The following ARFGEF1 variants were observed in gnomAD, a reference collection of about 807,000 sequenced individuals.
The protein encoded by ARFGEF1 is brefeldin A-inhibited guanine nucleotide-exchange protein 1.
ARFGEF1 carries 42 observed loss-of-function variants against 231.0 expected under a neutral mutation model. The observed-to-expected ratio is 0.18, with a 90% CI of 0.14 to 0.24. The LOEUF is 0.24. Among genes scored for constraint, ARFGEF1 ranks in the 10% least tolerant of loss-of-function variants. ARFGEF1 has a pLI of 1.00. For synonymous variants in ARFGEF1, 710 were observed against 732.3 expected (o/e 0.97, Z 0.49); for missense variants, 1,345 against 2,192.0 (o/e 0.61, Z 7.72).
chr8:67,193,549 A>G (rs772125943), downstream of ARFGEF1: 1 of 1,613,872 alleles, frequency 6.2e-7, no homozygotes, highest in Non-Finnish European at 8.5e-7. Context: ...AGAGTGAGAA[A>G]TGAGGAACGA....
downstream of ARFGEF1, chr8:67,197,537 G>T: frequency 2.4e-6 from 2 of 824,274 alleles, no homozygotes; most frequent in Non-Finnish European, 2.9e-6. Flanking sequence ...GCTAGAAGCT[G>T]GAAAGAAAAT....
chr8:67,309,046 A>G (rs1241044047), intron 1 of ARFGEF1, among the ~76,000 whole-genome samples: 1 of 152,238 alleles, frequency 6.6e-6, no homozygotes, highest in African/African-American at 2.4e-5. Flanking sequence ...AATAAAATAT[A>G]CACAATGGAA....
At chr8:67,235,810 A>G (rs1038830695) in intron 22 of ARFGEF1, among the ~76,000 whole-genome samples, 1 of 152,204 alleles carries the variant, frequency 6.6e-6, no homozygotes, top group African/African-American at 2.4e-5. Flanking sequence ...CTTTAAAAAA[A>G]TAGAAAAAAA....
Position 67,198,073 on chromosome 8 carries a change from T to A in ARFGEF1, c.*861A>T, listed in dbSNP as rs1316050580. 1 of 985,748 alleles carries A rather than the reference T, an allele frequency of 1.0e-6. No homozygotes were observed. Among genetic ancestry groups the A allele is most frequent in the Admixed American group, 6.1e-5 (1 of 16,266 alleles). 61.1% of individuals were successfully genotyped at this position (985,748 alleles called of 1,614,324 possible). A position where few individuals can be genotyped will look rare whatever the true frequency, so the allele number is the denominator to read the frequency against. The stretch of plus-strand genomic sequence containing the variant: ...TCAAGTTTTGGTCCATAAAGGATCA[T>A]TCTATTTTAATGGCTCATCTTTAAA... On this transcript the variant is annotated 3_prime_UTR_variant, in exon 39 of 39. Transcript: ENST00000262215.
rs1840494736 is a variant in ARFGEF1 at position 67,257,415 on chromosome 8, C to T, written c.2526+317G>A. The stretch of plus-strand genomic sequence containing the variant: ...ATATTTTTTAGAAGGATGGTTTATA[C>T]ACAGCGTTTTTCCATGTTGTGACAA... On this transcript the variant is annotated intron_variant, in intron 17 of 38. Coordinates refer to ENST00000262215, the MANE Select transcript of ARFGEF1 (RefSeq NM_006421.5). Among the ~76,000 whole-genome samples the T allele has an allele frequency of 2.0e-5, 3 of 152,152 alleles. No homozygotes were observed. In the South Asian group the frequency reaches 6.2e-4, roughly 31 times the overall value.
intron 36 of ARFGEF1, 69 bp from the exon 37 acceptor site, chr8:67,201,674 T>C: frequency 1.9e-6 from 3 of 1,589,544 alleles, no homozygotes; most frequent in Non-Finnish European, 2.6e-6. Context: ...ACAGCCCGTA[T>C]GGAGGCACAT....
chr8:67,339,492 A>G (rs111289598), intron 1 of ARFGEF1, among the ~76,000 whole-genome samples: 3,510 of 152,160 alleles, frequency 0.023, 90 homozygotes, highest in South Asian at 0.047. Flanking sequence ...CCTTACTGGA[A>G]TAAGTCCCAA....
chr8:67,310,981 G>T (rs1449706616), intron 1 of ARFGEF1, among the ~76,000 whole-genome samples: 6 of 17,740 alleles, frequency 3.4e-4, no homozygotes, highest in African/African-American at 4.2e-4. Context: ...CCGGGAGGGA[G>T]GTTGGGGGGT....
At chr8:67,236,368 ATATAT>A (rs1839762448) in intron 22 of ARFGEF1, among the ~76,000 whole-genome samples, 145 of 26,120 alleles carry the variant, frequency 5.6e-3, no homozygotes, top group African/African-American at 6.5e-3. Flanking sequence ...AAAAAAAAAT[ATATAT>A]ATATATATAT....
chr8:67,270,843 G>A (rs565220613), intron 10 of ARFGEF1, among the ~76,000 whole-genome samples: 1 of 151,324 alleles, frequency 6.6e-6, no homozygotes, highest in East Asian at 1.9e-4. Flanking sequence ...TGACCAACAT[G>A]GAGAAACCCT....
At chr8:67,335,498 G>T (rs1205643505) in intron 1 of ARFGEF1, among the ~76,000 whole-genome samples, 1 of 152,090 alleles carries the variant, frequency 6.6e-6, no homozygotes. Context: ...AAACTTACTG[G>T]AATTATAAAA....
In ARFGEF1 at chr8:67,326,100, G is replaced by A. The variant is rs111304800; in HGVS notation, c.124+17064C>T. On this transcript the variant is annotated intron_variant, in intron 1 of 38. Coordinates refer to ENST00000262215, the MANE Select transcript of ARFGEF1 (RefSeq NM_006421.5). The stretch of plus-strand genomic sequence containing the variant: ...TGTAGTCCCAGCTACTTAGGAGGCT[G>A]AGGTAGGAGAATCACTTGAACCTGG... Among the ~76,000 whole-genome samples the A allele has an allele frequency of 2.0e-3, 299 of 152,344 alleles. 3 individuals carry two copies. The highest frequency in any genetic ancestry group is 6.8e-3 in the African/African-American group (284 of 41,580).
At chr8:67,181,075 T>A (rs1832903768) in intron 5 of ARFGEF1, among the ~76,000 whole-genome samples, 1 of 152,086 alleles carries the variant, frequency 6.6e-6, no homozygotes, top group Non-Finnish European at 1.5e-5. Flanking sequence ...TCTTGCTCTG[T>A]CGCCCAGGCT....
Position 67,276,062 on chromosome 8 carries a change from G to A in ARFGEF1, c.1251C>T (p.His417=), listed in dbSNP as rs764868091. 4.3e-6 allele frequency: 7 copies of A among 1,613,314 alleles called. No individual in the cohort carries two copies. The highest frequency in any genetic ancestry group is 5.9e-6 in the Non-Finnish European group (7 of 1,179,540). ...SGPSPGAKFS[H]ILQKDAFLVF... The stretch of plus-strand genomic sequence containing the variant: ...CTAGAAAGGCATCCTTTTGTAAAAT[G>A]TGGGAAAACTTAGCACCAGGTGAAG... The change falls in exon 9 of 39, where the codon CAC becomes CAT. Residue 417 remains histidine, a synonymous_variant. Coordinates refer to ENST00000262215, the MANE Select transcript of ARFGEF1 (RefSeq NM_006421.5).
chr8:67,291,819 C>T, intron 6 of ARFGEF1, 28 bp downstream of exon 6: 1 of 1,607,680 alleles, frequency 6.2e-7, no homozygotes, highest in Non-Finnish European at 8.5e-7. Context: ...TTAACACACA[C>T]CCCAAACCCC....
chr8:67,261,208 T>C (rs1218538960), intron 14 of ARFGEF1, among the ~76,000 whole-genome samples: 1 of 152,162 alleles, frequency 6.6e-6, no homozygotes, highest in Non-Finnish European at 1.5e-5. Flanking sequence ...CAACAGATTT[T>C]CCATGTAGAT....
intron 7 of ARFGEF1, among the ~76,000 whole-genome samples, chr8:67,279,320 G>A (rs1208043584): frequency 6.6e-6 from 1 of 152,018 alleles, no homozygotes; most frequent in Non-Finnish European, 1.5e-5. Context: ...TAAAAATCAG[G>A]TAATTTAACA....
intron 1 of ARFGEF1, among the ~76,000 whole-genome samples, chr8:67,305,964 A>C (rs1395028549): frequency 1.3e-5 from 2 of 152,236 alleles, no homozygotes; most frequent in African/African-American, 4.8e-5. Context: ...CGACAGCAAA[A>C]CTAGCAAGAA....
intron 30 of ARFGEF1, 64 bp downstream of exon 30, chr8:67,219,367 T>C (rs1839070271): frequency 6.6e-6 from 10 of 1,523,774 alleles, no homozygotes; most frequent in Non-Finnish European, 8.8e-6. Context: ...CTAAAATGTA[T>C]TGATTATAAT....
Sources: gnomAD v4.1 joint callset for allele counts (sites outside exome capture counted in the v4.1 genomes callset) on GRCh38, gnomAD v4.1.1 for gene constraint, MANE v1.5 for transcripts, NCBI Gene and HGNC (gene_info 2026-07-23, HGNC 2026-07-21) for gene names.